Variants in OSBPL3 observed in about 807,000 individuals in gnomAD.
OSBPL3 encodes oxysterol-binding protein-related protein 3.
Under a neutral mutation model 120.1 loss-of-function variants are expected in OSBPL3, and 65 were observed. The ratio of observed to expected loss-of-function variants is 0.54; its 90% CI spans 0.44 to 0.67. The LOEUF (loss-of-function observed/expected upper bound fraction) is 0.67. OSBPL3 is among the 30% of genes least tolerant of loss of function. The pLI, the probability that OSBPL3 is intolerant of heterozygous loss-of-function variation, is 0.00. For missense variants in OSBPL3, 1,004 were observed against 1,082.1 expected (o/e 0.93, Z 1.01); for synonymous variants, 416 against 402.6 (o/e 1.03, Z -0.40).
intron 1 of OSBPL3, among the ~76,000 whole-genome samples, chr7:24,977,892 G>A (rs1563031633): frequency 6.6e-6 from 1 of 152,212 alleles, no homozygotes; most frequent in Non-Finnish European, 1.5e-5. Context: ...ACAGCTTACT[G>A]CAGCCTGGGA....
chr7:24,828,606 G>GAAAAAAAAAAAAAAA (rs1190652256), intron 16 of OSBPL3, among the ~76,000 whole-genome samples: 11 of 32,548 alleles, frequency 3.4e-4, no homozygotes, highest in Admixed American at 9.1e-4. Context: ...GACTCTGTCT[G>GAAAAAAAAAAAAAAA]AAAAAAAAAA....
rs996704482 is a variant in OSBPL3, at chr7:24,799,627, TCC to T, written c.*554_*555del. 6.6e-6 allele frequency: 1 copy of T among 152,546 alleles called. No homozygotes were observed. Among genetic ancestry groups the T allele is most frequent in the African/African-American group, 2.4e-5 (1 of 41,460 alleles). 9.4% of individuals were successfully genotyped at this position (152,546 alleles called of 1,614,324 possible). Reference sequence around the variant, plus strand: ...TACATTCCATTAATCTTATATCCTCTCCCTAACCACTAAAATGCAAATGAAAA... The same window carrying T: ...TACATTCCATTAATCTTATATCCTCTCTAACCACTAAAATGCAAATGAAAA... On this transcript the variant is annotated 3_prime_UTR_variant, in exon 23 of 23. Coordinates refer to ENST00000313367, the MANE Select transcript of OSBPL3 (RefSeq NM_015550.4). This position sits in a 1 kb window ranked among gnomAD's most constrained non-coding sequence, Gnocchi z 5.3.
In OSBPL3 at chr7:24,938,787, G is replaced by GTCTC. The variant is rs34834801; in HGVS notation, c.-150+41098_-150+41099insGAGA. 6.8e-4 allele frequency among the ~76,000 whole-genome samples: 86 copies of GTCTC among 125,964 alleles called. 1 individual carries two copies. Among genetic ancestry groups the GTCTC allele is most frequent in the Middle Eastern group, 8.0e-3 (2 of 250 alleles). The allele number at this position is 125,964 out of a possible 152,430, so 82.6% of individuals were successfully genotyped here. A position where few individuals can be genotyped will look rare whatever the true frequency, so the allele number is the denominator to read the frequency against. On this transcript the variant is annotated intron_variant, in intron 1 of 22. Coordinates refer to ENST00000313367, the MANE Select transcript of OSBPL3 (RefSeq NM_015550.4). The surrounding 1 kb of genome is among the most constrained non-coding windows in gnomAD (Gnocchi z 5.8). ...AATGAGGTTTTGTTTTGATGTGTGTGTGTGTGTGTGTGTGTGTGTGTGTGT... is the reference window on the plus strand; with the variant it reads ...AATGAGGTTTTGTTTTGATGTGTGTGTCTCTGTGTGTGTGTGTGTGTGTGTGTGT...
At chr7:24,923,363 C>G (rs1040157213) in intron 1 of OSBPL3, among the ~76,000 whole-genome samples, 19 of 152,174 alleles carry the variant, frequency 1.2e-4, no homozygotes, top group African/African-American at 4.6e-4. Flanking sequence ...TGGAGTAACC[C>G]CAACAAAGGG....
At chr7:24,876,414 T>G (rs573984933) in intron 2 of OSBPL3, among the ~76,000 whole-genome samples, 23 of 116,336 alleles carry the variant, frequency 2.0e-4, no homozygotes, top group African/African-American at 6.9e-4. Context: ...ATTAATTAAC[T>G]TCTAAGGTTT....
At position 24,945,781 on chromosome 7, in the gene OSBPL3, G is replaced by A. The variant is rs117648384; in HGVS notation, c.-150+34105C>T. ...CTGATTGTTCGTTCATAAGAGGTTC[G>A]AATTATGTTAAGGCTCTGTTCAAAG... On this transcript the variant is annotated intron_variant, in intron 1 of 22. Transcript: ENST00000313367. Among the ~76,000 whole-genome samples, 1,412 of 152,300 alleles carry A rather than the reference G, an allele frequency of 9.3e-3. 10 individuals carry two copies. The highest frequency in any genetic ancestry group is 0.015 in the Non-Finnish European group (1,034 of 68,024).
At chr7:24,958,623 A>G (rs769349640) in intron 1 of OSBPL3, among the ~76,000 whole-genome samples, 1 of 152,200 alleles carries the variant, frequency 6.6e-6, no homozygotes, top group Admixed American at 6.5e-5. Context: ...TTAACACTTC[A>G]TAACAGTATC....
chr7:24,859,524 G>A (rs1044375910), intron 10 of OSBPL3, among the ~76,000 whole-genome samples: 1 of 152,024 alleles, frequency 6.6e-6, no homozygotes, highest in Non-Finnish European at 1.5e-5. Context: ...TTATGCTGAG[G>A]ACATCTTTCT....
intron 10 of OSBPL3, among the ~76,000 whole-genome samples, chr7:24,861,121 A>G (rs1305170408): frequency 6.6e-6 from 1 of 152,218 alleles, no homozygotes; most frequent in Non-Finnish European, 1.5e-5. Context: ...GGCTCTTCTA[A>G]TAGGTGTGTA....
In OSBPL3 at chr7:24,917,401, C is replaced by CATATATATATATATATATATATAT. The variant is rs59525014; in HGVS notation, c.-149-24804_-149-24781dup. Among the ~76,000 whole-genome samples the CATATATATATATATATATATATAT allele has an allele frequency of 2.9e-3, 289 of 99,928 alleles. 1 individual carries two copies. Among genetic ancestry groups the CATATATATATATATATATATATAT allele is most frequent in the Admixed American group, 3.8e-3 (35 of 9,324 alleles). The allele number at this position is 99,928 out of a possible 152,430, so 65.6% of individuals were successfully genotyped here. Reference sequence around the variant, plus strand: ...TTGTAACATATATATATATTTGTAACATATATATATATATATATATATATA... The same window carrying CATATATATATATATATATATATAT: ...TTGTAACATATATATATATTTGTAACATATATATATATATATATATATATATATATATATATATATATATATATA... On this transcript the variant is annotated intron_variant, in intron 1 of 22. Transcript: ENST00000313367.
chr7:24,888,251 C>T (rs775849002), intron 2 of OSBPL3, among the ~76,000 whole-genome samples: 1 of 152,094 alleles, frequency 6.6e-6, no homozygotes, highest in Non-Finnish European at 1.5e-5. Flanking sequence ...TAAAAACATA[C>T]ATTTATATTT....
intron 1 of OSBPL3, among the ~76,000 whole-genome samples, chr7:24,954,604 G>A (rs963008534): frequency 6.6e-6 from 1 of 151,958 alleles, no homozygotes; most frequent in African/African-American, 2.4e-5. Flanking sequence ...GGACAGAGGG[G>A]GCCAAGATGT....
chr7:24,864,429 C>T (rs1034256988), intron 7 of OSBPL3, among the ~76,000 whole-genome samples: 3 of 152,154 alleles, frequency 2.0e-5, no homozygotes, highest in African/African-American at 7.2e-5. Context: ...CTGATAAGTT[C>T]CCGGGTGGAC....
intron 1 of OSBPL3, among the ~76,000 whole-genome samples, chr7:24,915,660 G>GC (rs1481272205): frequency 1.3e-5 from 2 of 151,070 alleles, no homozygotes; most frequent in Non-Finnish European, 2.9e-5. Context: ...TGCAGCCTCT[G>GC]CCTCCTGGGT....
rs1039565430 is a variant in OSBPL3 at position 24,802,652 on chromosome 7, T to G, written c.2567+1663A>C. On this transcript the variant is annotated intron_variant, in intron 22 of 22. Transcript: ENST00000313367. This position sits in a 1 kb window ranked among gnomAD's most constrained non-coding sequence, Gnocchi z 4.1. ...GATCGAGTTGGTGAATCTCCTTAAC[T>G]AGTCCTTGAGACAGTTTGGTTACCT... Among the ~76,000 whole-genome samples, 1 of 152,218 alleles carries G rather than the reference T, an allele frequency of 6.6e-6. No homozygotes were observed. Among genetic ancestry groups the G allele is most frequent in the Non-Finnish European group, 1.5e-5 (1 of 68,036 alleles).
In OSBPL3 at chr7:24,883,730, C is replaced by T. The variant is rs1804055161; in HGVS notation, c.96+8647G>A. Among the ~76,000 whole-genome samples, 1 of 152,166 alleles carries T rather than the reference C, an allele frequency of 6.6e-6. No homozygotes were observed. Among genetic ancestry groups the T allele is most frequent in the Non-Finnish European group, 1.5e-5 (1 of 68,038 alleles). ...TAAGATTTCAGTTTCTCGTGATCTT[C>T]AGAGTGTGGAATGCAGCTGACAGTC... On this transcript the variant is annotated intron_variant, in intron 2 of 22. Transcript: ENST00000313367. This position sits in a 1 kb window ranked among gnomAD's most constrained non-coding sequence, Gnocchi z 5.4.
intron 16 of OSBPL3, among the ~76,000 whole-genome samples, chr7:24,828,606 G>GAAGAAA (rs1554349905): frequency 1.2e-4 from 4 of 32,548 alleles, no homozygotes; most frequent in African/African-American, 4.9e-4. Context: ...GACTCTGTCT[G>GAAGAAA]AAAAAAAAAA....
At chr7:24,924,591 A>G (rs1357904109) in intron 1 of OSBPL3, among the ~76,000 whole-genome samples, 1 of 152,126 alleles carries the variant, frequency 6.6e-6, no homozygotes, top group Admixed American at 6.5e-5. Flanking sequence ...CATTTCCTCA[A>G]TGCCTGCCCA....
rs530747625 is a variant in OSBPL3, at chr7:24,912,627, C to G, written c.-149-20006G>C. Among the ~76,000 whole-genome samples the G allele has an allele frequency of 6.6e-6, 1 of 152,320 alleles. No individual in the cohort carries two copies. The highest frequency in any genetic ancestry group is 2.1e-4 in the South Asian group (1 of 4,822). ...CCTGAAAATGAGAAGCACCCAGTCT[C>G]CAGACCCAAGGCAGACGTCAAGGCT... On this transcript the variant is annotated intron_variant, in intron 1 of 22. Coordinates refer to ENST00000313367, the MANE Select transcript of OSBPL3 (RefSeq NM_015550.4). The surrounding 1 kb of genome is among the most constrained non-coding windows in gnomAD (Gnocchi z 4.5).
Sources: gnomAD v4.1 joint callset for allele counts (sites outside exome capture counted in the v4.1 genomes callset) on GRCh38, gnomAD v4.1.1 for gene constraint, Gnocchi (gnomAD v3.1) non-coding constraint, MANE v1.5 for transcripts, NCBI Gene and HGNC (gene_info 2026-07-23, HGNC 2026-07-21) for gene names.